Variants in YAF2 observed in about 807,000 individuals in gnomAD.
YAF2 encodes the protein YY1-associated factor 2.
YAF2 carries 7 observed loss-of-function variants against 20.1 expected under a neutral mutation model. The observed-to-expected ratio is 0.35, with a 90% CI of 0.20 to 0.65. YAF2 has a LOEUF of 0.65. Among genes scored for constraint, YAF2 ranks in the 30% least tolerant of loss-of-function variants. YAF2 has a pLI of 0.69. For synonymous variants in YAF2, 74 were observed against 76.0 expected, an observed-to-expected ratio of 0.97 and a Z score of 0.14; for missense variants, 151 against 219.2, an observed-to-expected ratio of 0.69 and a Z score of 1.96.
chr12:42,209,618 T>C (rs763712997), intron 2 of YAF2, among the ~76,000 whole-genome samples: 3 of 150,380 alleles, frequency 2.0e-5, no homozygotes, highest in Non-Finnish European at 4.4e-5. Flanking sequence ...AAAACTATCC[T>C]TGCTGGTCAG....
intron 2 of YAF2, among the ~76,000 whole-genome samples, chr12:42,182,193 G>A (rs1239822718): frequency 1.3e-5 from 2 of 152,064 alleles, no homozygotes; most frequent in Non-Finnish European, 2.9e-5. Flanking sequence ...TATAAAGAAG[G>A]TTTTTAAAAA....
intron 2 of YAF2, among the ~76,000 whole-genome samples, chr12:42,196,668 A>G (rs189980020): frequency 1.1e-3 from 166 of 152,338 alleles, no homozygotes; most frequent in African/African-American, 3.8e-3. Flanking sequence ...AGCCCCAACT[A>G]AATGGTGCAA....
intron 2 of YAF2, among the ~76,000 whole-genome samples, chr12:42,218,747 CAT>C (rs1044242426): frequency 1.3e-5 from 2 of 151,966 alleles, no homozygotes; most frequent in African/African-American, 2.4e-5. Context: ...ATGAATTTAA[CAT>C]ATGTTTCATC....
intron 2 of YAF2, among the ~76,000 whole-genome samples, chr12:42,178,895 A>T (rs2066266352): frequency 6.6e-6 from 1 of 152,116 alleles, no homozygotes. Context: ...TTAAAAAAAA[A>T]ATACCCCTTT....
intron 2 of YAF2, among the ~76,000 whole-genome samples, chr12:42,207,630 T>G (rs577983511): frequency 6.6e-6 from 1 of 152,188 alleles, no homozygotes; most frequent in African/African-American, 2.4e-5. Context: ...CGGTGGCTCA[T>G]GCCTGTAATC....
At chr12:42,223,674 T>C (rs982830820) in intron 2 of YAF2, among the ~76,000 whole-genome samples, 7 of 152,062 alleles carry the variant, frequency 4.6e-5, no homozygotes, top group African/African-American at 1.7e-4. Flanking sequence ...AGTGCTTTAT[T>C]AATAATGGCC....
At position 42,237,610 on chromosome 12, in the gene YAF2, G is replaced by A. The variant is rs746558476; in HGVS notation, c.141C>T (p.Gly47=). 63 of 1,539,114 alleles carry A rather than the reference G, an allele frequency of 4.1e-5. No homozygotes were observed. In the South Asian group the frequency reaches 5.9e-4, roughly 15 times the overall value. ...GGCCCGGGACTCACCGGGTGGAGGTGCCCTTCCGCACATCGCACATCATGC... is the reference window on the plus strand; with the variant it reads ...GGCCCGGGACTCACCGGGTGGAGGTACCCTTCCGCACATCGCACATCATGC... ...FKCMMCDVRK[G]TSTRKPRPVS... is the part of the protein sequence containing the mutation. Residue 47 remains glycine, a synonymous_variant, in exon 2 of 4, where the codon GGC becomes GGT. Transcript: ENST00000534854.
intron 2 of YAF2, among the ~76,000 whole-genome samples, chr12:42,173,424 C>T (rs1010298614): frequency 2.0e-5 from 3 of 152,142 alleles, no homozygotes; most frequent in Non-Finnish European, 4.4e-5. Context: ...TCTATAAAAA[C>T]TAGGTTAAAG....
chr12:42,201,367 C>T (rs951330891), intron 2 of YAF2, among the ~76,000 whole-genome samples: 1 of 152,232 alleles, frequency 6.6e-6, no homozygotes, highest in Non-Finnish European at 1.5e-5. Flanking sequence ...CACTTCCCTA[C>T]AAATGAGACT....
chr12:42,177,268 G>C (rs2066219969), intron 2 of YAF2, among the ~76,000 whole-genome samples: 1 of 151,916 alleles, frequency 6.6e-6, no homozygotes. Context: ...AGTCTGCTTG[G>C]GCTGTCATAA....
chr12:42,195,700 C>G (rs577931118), intron 2 of YAF2, among the ~76,000 whole-genome samples: 8 of 152,092 alleles, frequency 5.3e-5, no homozygotes, highest in Non-Finnish European at 1.2e-4. Flanking sequence ...GTTTTGCCCT[C>G]AAAAAGGCTA....
chr12:42,235,852 C>T, intron 2 of YAF2: 1 of 1,536,064 alleles, frequency 6.5e-7, no homozygotes. Context: ...CCCCTGTGTA[C>T]TATATTCCTT....
chr12:42,192,634 G>A (rs1043817459), intron 2 of YAF2, among the ~76,000 whole-genome samples: 1 of 152,330 alleles, frequency 6.6e-6, no homozygotes, highest in Non-Finnish European at 1.5e-5. Context: ...TATGGAATTG[G>A]AGAGACTAAG....
At chr12:42,226,953 C>T (rs1403493402) in intron 2 of YAF2, among the ~76,000 whole-genome samples, 2 of 149,594 alleles carry the variant, frequency 1.3e-5, no homozygotes, top group Non-Finnish European at 3.0e-5. Flanking sequence ...GTGGTTGGCG[C>T]GGCTGCGCTG....
chr12:42,236,117 T>C, intron 2 of YAF2: 2 of 1,383,472 alleles, frequency 1.4e-6, no homozygotes, highest in Non-Finnish European at 1.9e-6. Flanking sequence ...TATAATTGTT[T>C]CCACTTTAAT....
chr12:42,161,162 A>G (rs1232461399), intron 3 of YAF2: 2 of 309,106 alleles, frequency 6.5e-6, no homozygotes, highest in Admixed American at 4.9e-5. Flanking sequence ...CCATGGAGGA[A>G]GGTGATAAAA....
intron 2 of YAF2, among the ~76,000 whole-genome samples, chr12:42,237,250 C>T (rs2068194051): frequency 6.6e-6 from 1 of 152,112 alleles, no homozygotes; most frequent in Admixed American, 6.5e-5. Context: ...ATGGGTTTTC[C>T]TTGATCCCCA....
chr12:42,192,504 G>A (rs971824264), intron 2 of YAF2, among the ~76,000 whole-genome samples: 1 of 152,196 alleles, frequency 6.6e-6, no homozygotes, highest in African/African-American at 2.4e-5. Flanking sequence ...GTGAGACCCT[G>A]TCTCAAACAA....
intron 2 of YAF2, among the ~76,000 whole-genome samples, chr12:42,168,649 T>C (rs998195219): frequency 6.6e-6 from 1 of 152,120 alleles, no homozygotes; most frequent in Non-Finnish European, 1.5e-5. Flanking sequence ...AAATCCTTTT[T>C]ATACACAATT....
Sources: allele counts gnomAD v4.1 joint callset (sites outside exome capture counted in the v4.1 genomes callset), GRCh38; gene constraint gnomAD v4.1.1; transcripts MANE v1.5; gene names NCBI Gene and HGNC (gene_info 2026-07-23, HGNC 2026-07-21).